The following DYSF variants were observed in gnomAD, a reference collection of about 807,000 sequenced individuals.
DYSF encodes the protein dystrophy-associated fer-1-like 1.
Under a neutral mutation model 274.9 loss-of-function variants are expected in DYSF, and 212 were observed. The ratio of observed to expected loss-of-function variants is 0.77; its 90% CI spans 0.69 to 0.86. The LOEUF (loss-of-function observed/expected upper bound fraction) is 0.86. Among genes scored for constraint, DYSF ranks in the 40% least tolerant of loss-of-function variants. DYSF has a pLI of 0.00. For synonymous variants in DYSF, 1,091 were observed against 1,078.7 expected (o/e 1.01, Z -0.22); for missense variants, 2,666 against 2,783.2 (o/e 0.96, Z 0.95).
intron 14 of DYSF, among the ~76,000 whole-genome samples, chr2:71,529,148 C>G (rs1236369969): frequency 6.6e-6 from 1 of 152,230 alleles, no homozygotes; most frequent in Non-Finnish European, 1.5e-5. Context: ...ATCCAAAAGC[C>G]TCTGTCTTAA....
intron 30 of DYSF, among the ~76,000 whole-genome samples, chr2:71,582,927 C>T (rs1453458750): frequency 1.3e-5 from 2 of 150,844 alleles, no homozygotes; most frequent in Non-Finnish European, 2.9e-5. Flanking sequence ...CCTGTAATCT[C>T]AGCACTTTGG....
At chr2:71,543,915 GGAGGGAGAAGGAGAGGGAGAGGGA>G (rs2090226972) in intron 17 of DYSF, among the ~76,000 whole-genome samples, 1 of 147,232 alleles carries the variant, frequency 6.8e-6, no homozygotes, top group Non-Finnish European at 1.5e-5. Flanking sequence ...GGGGAGAGGG[GGAGGGAGAAGGAGAGGGAGAGGGA>G]GAGGGAGACG....
At chr2:71,487,671 GCTAGTT>G (rs2083470852) in intron 3 of DYSF, among the ~76,000 whole-genome samples, 1 of 152,126 alleles carries the variant, frequency 6.6e-6, no homozygotes, top group Admixed American at 6.5e-5. Flanking sequence ...ATCTCACCTG[GCTAGTT>G]TTTGTGTTTT....
chr2:71,553,109 C>T lies in DYSF; in HGVS notation c.1905C>T (p.Ile635=), dbSNP rs567956595. 480 of 1,614,186 alleles carry T rather than the reference C, an allele frequency of 3.0e-4. 3 individuals carry two copies. In the South Asian group the frequency reaches 4.5e-3, roughly 15 times the overall value. The change falls in exon 20 of 56, where the codon ATC becomes ATT. Residue 635 remains isoleucine (I), a synonymous_variant. Transcript: ENST00000410020. ...ATGCCATCCAGTTTGAGGTCAGCAT[C>T]GGGAACTACGGGAACAAGTTCGACA... is the stretch of plus-strand genomic sequence containing the variant. ...VDDAIQFEVS[I]GNYGNKFDMT... is the part of the protein sequence containing the mutation.
chr2:71,473,280 CTTTT>C (rs2082167225), intron 1 of DYSF, among the ~76,000 whole-genome samples: 1 of 152,224 alleles, frequency 6.6e-6, no homozygotes, highest in Non-Finnish European at 1.5e-5. Context: ...CTAGGGCCAT[CTTTT>C]CTCCTTTCAC....
At chr2:71,616,108 G>A (rs1172374956) in intron 40 of DYSF, among the ~76,000 whole-genome samples, 2 of 152,158 alleles carry the variant, frequency 1.3e-5, no homozygotes, top group Admixed American at 1.3e-4. Flanking sequence ...ACATGTCACC[G>A]GAGACCCTTG....
chr2:71,539,042 C>G lies in DYSF; in HGVS notation c.1494-115C>G, dbSNP rs111339485. On this transcript the variant is annotated intron_variant, in intron 16 of 55. Transcript: ENST00000410020. ...TACCAAAGTGAAGACCAGAAGCGCT[C>G]TCTGCCTGCCCCCCGCCCCCCTGTG... is the stretch of plus-strand genomic sequence containing the variant. The G allele has an allele frequency of 3.9e-3, 3,403 of 881,994 alleles. 80 individuals are homozygous for G. In the African/African-American group the frequency reaches 0.048, roughly 13 times the overall value. The allele number at this position is 881,994 out of a possible 1,614,324, so 54.6% of individuals were successfully genotyped here.
At chr2:71,612,557 A>G (rs2093788192) in intron 38 of DYSF, 84 bp from the exon 39 acceptor site, 1 of 1,579,108 alleles carries the variant, frequency 6.3e-7, no homozygotes, top group Non-Finnish European at 8.7e-7. Context: ...TCTGCGGTTT[A>G]TAGTCATTTT....
chr2:71,617,901 T>TGTGGTAGAGGTGGTATG (rs2093941442), intron 40 of DYSF, among the ~76,000 whole-genome samples: 1 of 16,004 alleles, frequency 6.2e-5, no homozygotes, highest in Non-Finnish European at 1.2e-4. Flanking sequence ...AGAGGTGTGT[T>TGTGGTAGAGGTGGTATG]TGTGGTAGAG....
At chr2:71,666,530 C>T (rs2095013868) in intron 47 of DYSF, among the ~76,000 whole-genome samples, 1 of 152,374 alleles carries the variant, frequency 6.6e-6, no homozygotes. Context: ...TGTCCACCAT[C>T]AGCTCCCAAA....
intron 3 of DYSF, among the ~76,000 whole-genome samples, chr2:71,484,788 T>A (rs2083233839): frequency 6.7e-6 from 1 of 150,328 alleles, no homozygotes; most frequent in Non-Finnish European, 1.5e-5. Context: ...GTGAACATAT[T>A]TTTGGCCAAT....
At chr2:71,585,875 C>T (rs2093049438) in intron 30 of DYSF, among the ~76,000 whole-genome samples, 1 of 152,056 alleles carries the variant, frequency 6.6e-6, no homozygotes, top group South Asian at 2.1e-4. Flanking sequence ...AGTGGGAGTG[C>T]CCAGGAGGGG....
rs149882091 is a variant in DYSF, at chr2:71,652,304, C to T, written c.4627-3858C>T. On this transcript the variant is annotated intron_variant, in intron 42 of 55. Coordinates refer to ENST00000410020, the MANE Select transcript of DYSF (RefSeq NM_001130987.2). ...CCATTTCAATGTCAACAAAAAGAAA[C>T]GGGTCGTTCATTTTAGAAAGGAGAA... is the stretch of plus-strand genomic sequence containing the variant. Among the ~76,000 whole-genome samples, 122 of 152,286 alleles carry T rather than the reference C, an allele frequency of 8.0e-4. 2 individuals carry two copies. In the East Asian group the frequency reaches 0.022, roughly 28 times the overall value.
At chr2:71,543,881 GAGGGAGAGGGAGAGGGAGACCGT>G (rs1366999909) in intron 17 of DYSF, among the ~76,000 whole-genome samples, 54 of 149,744 alleles carry the variant, frequency 3.6e-4, no homozygotes, top group Non-Finnish European at 2.2e-4. Context: ...ACCGTGGGGA[GAGGGAGAGGGAGAGGGAGACCGT>G]GGGGAGAGGG....
At chr2:71,486,595 CT>C (rs2083386689) in intron 3 of DYSF, among the ~76,000 whole-genome samples, 1 of 152,072 alleles carries the variant, frequency 6.6e-6, no homozygotes. Flanking sequence ...AGAGTGGGAT[CT>C]GGGGAATCCT....
intron 41 of DYSF, among the ~76,000 whole-genome samples, chr2:71,637,705 C>A (rs1360590495): frequency 6.6e-6 from 1 of 152,056 alleles, no homozygotes; most frequent in African/African-American, 2.4e-5. Context: ...CCAGGTGGCA[C>A]TGGCCAGAAG....
At chr2:71,679,442 C>A (rs897459663) in intron 53 of DYSF, among the ~76,000 whole-genome samples, 1 of 152,006 alleles carries the variant, frequency 6.6e-6, no homozygotes, top group Non-Finnish European at 1.5e-5. Flanking sequence ...CTTTGCGGCT[C>A]ACATCCCAGG....
chr2:71,513,370 TC>T, intron 6 of DYSF, 38 bp downstream of exon 6: 1 of 1,532,668 alleles, frequency 6.5e-7, no homozygotes, highest in South Asian at 1.2e-5. Flanking sequence ...TCCCAGACCC[TC>T]CCTGTAACTG....
At chr2:71,628,866 C>T (rs1175903881) in intron 41 of DYSF, among the ~76,000 whole-genome samples, 1 of 151,884 alleles carries the variant, frequency 6.6e-6, no homozygotes, top group South Asian at 2.1e-4. Context: ...GTGGGAGGAT[C>T]GCTTGAGCCC....
Sources: allele counts gnomAD v4.1 joint callset (sites outside exome capture counted in the v4.1 genomes callset), GRCh38; gene constraint gnomAD v4.1.1; transcripts MANE v1.5; gene names NCBI Gene and HGNC (gene_info 2026-07-23, HGNC 2026-07-21).